The following ETV4 variants were observed in gnomAD, a reference collection of about 807,000 sequenced individuals.
The protein encoded by ETV4 is ETS translocation variant 4.
In ETV4, 42 loss-of-function variants were observed where a neutral mutation model predicts 65.9. That is an observed-to-expected ratio of 0.64 (90% CI 0.50 to 0.82). ETV4 has a LOEUF of 0.82. ETV4 is among the 40% of genes least tolerant of loss of function. ETV4 has a pLI of 0.00. For synonymous variants in ETV4, 238 were observed against 260.0 expected (o/e 0.92, Z 0.81); for missense variants, 583 against 630.3 (o/e 0.92, Z 0.80).
intron 1 of ETV4, 35 bp downstream of exon 1, chr17:43,546,146 CACAG>C (rs1971810622): frequency 1.9e-5 from 3 of 157,260 alleles, no homozygotes; most frequent in South Asian, 3.6e-4. Flanking sequence ...GGCGGGGAAT[CACAG>C]ACACTCTCCC....
In ETV4 at chr17:43,529,171, C is replaced by T. The variant is rs755693025; in HGVS notation, c.1194G>A (p.Ser398=). The change falls in exon 12 of 13, where the codon TCG becomes TCA. Residue 398 remains serine (S), a synonymous_variant. Transcript: ENST00000319349. The part of the protein sequence containing the change: ...PAMNYDKLSR[S]LRYYYEKGIM... ...TGCCTTTCTCATAATAGTATCGGAG[C>T]GAGCGGCTCAGCTTGTCGTAATTCA... 10 of 1,613,878 alleles carry T rather than the reference C, an allele frequency of 6.2e-6. No homozygotes were observed. The highest frequency in any genetic ancestry group is 1.6e-4 in the Middle Eastern group (1 of 6,084).
intron 8 of ETV4, chr17:43,530,485 A>C: frequency 4.0e-6 from 5 of 1,263,650 alleles, no homozygotes; most frequent in Non-Finnish European, 5.1e-6. Flanking sequence ...CTGCGAGTTC[A>C]GGGGGAGGAG....
intron 4 of ETV4, among the ~76,000 whole-genome samples, chr17:43,540,041 G>T (rs1029854496): frequency 1.3e-5 from 2 of 152,142 alleles, no homozygotes; most frequent in Non-Finnish European, 2.9e-5. Flanking sequence ...CATGAAATCC[G>T]CTGGCAAGAA....
At chr17:43,545,113 G>A in intron 3 of ETV4, 91 bp from the exon 4 acceptor site, 4 of 1,424,254 alleles carry the variant, frequency 2.8e-6, no homozygotes, top group Non-Finnish European at 4.0e-6. Flanking sequence ...CCCTGCCTTG[G>A]GAGTAGGGAC....
chr17:43,545,675 G>T lies in ETV4; in HGVS notation c.-51-7C>A. Reference sequence around the variant, plus strand: ...CCCAAGCGGGGGCCGAGACCTGGTGGGGGAGGGGGCTGCGTTCGCACACCG... The same window carrying T: ...CCCAAGCGGGGGCCGAGACCTGGTGTGGGAGGGGGCTGCGTTCGCACACCG... On this transcript the variant is annotated splice_region_variant and splice_polypyrimidine_tract_variant and intron_variant, in intron 1 of 12. Transcript: ENST00000319349. The T allele has an allele frequency of 6.8e-7, 1 of 1,472,778 alleles. No individual in the cohort carries two copies. 91.2% of individuals were successfully genotyped at this position (1,472,778 alleles called of 1,614,324 possible).
chr17:43,530,187 G>C lies in ETV4; in HGVS notation c.812-6C>G. ...TGATGCGCACCCGGTGACATCTGTG[G>C]GGGAAGAAGGGGTGATGTGAGAAGT... On this transcript the variant is annotated splice_region_variant and splice_polypyrimidine_tract_variant and intron_variant, in intron 8 of 12. Coordinates refer to ENST00000319349, the MANE Select transcript of ETV4 (RefSeq NM_001079675.5). 6.4e-7 allele frequency: 1 copy of C among 1,553,636 alleles called. No individual in the cohort carries two copies. The highest frequency in any genetic ancestry group is 8.7e-7 in the Non-Finnish European group (1 of 1,147,836).
intron 4 of ETV4, among the ~76,000 whole-genome samples, chr17:43,538,623 G>A (rs962023169): frequency 6.6e-6 from 1 of 152,210 alleles, no homozygotes; most frequent in Non-Finnish European, 1.5e-5. Flanking sequence ...GGGCTTCTCA[G>A]GTGGTTATAC....
At chr17:43,529,760 A>AG in intron 10 of ETV4, 84 bp from the exon 11 acceptor site, 1 of 1,591,498 alleles carries the variant, frequency 6.3e-7, no homozygotes, top group South Asian at 1.1e-5. Context: ...GATTTCTCGA[A>AG]GGGGTCTCCC....
At chr17:43,543,645 CAGA>C (rs1285882126) in intron 4 of ETV4, among the ~76,000 whole-genome samples, 16 of 152,232 alleles carry the variant, frequency 1.1e-4, no homozygotes, top group Middle Eastern at 6.8e-3. Flanking sequence ...TCCAGAACCT[CAGA>C]AGAAGGATGG....
chr17:43,545,632 C>T lies in ETV4; in HGVS notation c.-15G>A. 1.9e-6 allele frequency: 3 copies of T among 1,549,666 alleles called. No individual in the cohort carries two copies. Among genetic ancestry groups the T allele is most frequent in the Non-Finnish European group, 8.7e-7 (1 of 1,146,542 alleles). On this transcript the variant is annotated 5_prime_UTR_variant, in exon 2 of 13. Transcript: ENST00000319349. ...CTCCGCTCCATCCGGCCGCTCCCTC[C>T]GGCCGCACGGCCGGGGCCCCAAGCG...
At chr17:43,543,520 G>A (rs1971635953) in intron 4 of ETV4, among the ~76,000 whole-genome samples, 1 of 152,120 alleles carries the variant, frequency 6.6e-6, no homozygotes, top group South Asian at 2.1e-4. Flanking sequence ...GGGACTCTCA[G>A]CTGACAGGCA....
At position 43,536,475 on chromosome 17, in the gene ETV4, C is replaced by G. The variant is rs572797949; in HGVS notation, c.207G>C (p.Gln69His). The G allele has an allele frequency of 2.5e-6, 4 of 1,614,100 alleles. No homozygotes were observed. Among genetic ancestry groups the G allele is most frequent in the Non-Finnish European group, 3.4e-6 (4 of 1,180,044 alleles). Residue 69 changes from glutamine (Q) to histidine (H), a missense_variant, in exon 5 of 13, where the codon CAG becomes CAC. By Grantham distance (24) the Gln-to-His change is conservative. Transcript: ENST00000319349. ...HFQETWLAEA[Q>H]VPDSDEQFVP... ...CAAACTGCTCATCACTGTCTGGTAC[C>G]TGAGCTGCAGAGAGAAGTCAGAGGT... is the stretch of plus-strand genomic sequence containing the variant.
At position 43,538,611 on chromosome 17, in the gene ETV4, C is replaced by T. The variant is rs565351012; in HGVS notation, c.203-2132G>A. ...AGTTCTTATTCTGGCCTCCCCAGAG[C>T]GGGGCTTCTCAGGTGGTTATACAGC... On this transcript the variant is annotated intron_variant, in intron 4 of 12. Transcript: ENST00000319349. 6.6e-5 allele frequency among the ~76,000 whole-genome samples: 10 copies of T among 152,182 alleles called. No individual in the cohort carries two copies. In the South Asian group the frequency reaches 1.2e-3, roughly 19 times the overall value.
At chr17:43,537,588 C>T (rs1012572298) in intron 4 of ETV4, among the ~76,000 whole-genome samples, 3 of 150,878 alleles carry the variant, frequency 2.0e-5, no homozygotes, top group African/African-American at 4.9e-5. Flanking sequence ...CCCAGCTACT[C>T]GGAAGGCTGA....
intron 4 of ETV4, among the ~76,000 whole-genome samples, chr17:43,537,062 AT>A (rs1971278946): frequency 4.6e-5 from 7 of 152,216 alleles, no homozygotes; most frequent in Admixed American, 4.6e-4. Context: ...GATCCTGTGG[AT>A]TTAAAAATCA....
chr17:43,528,869 A>T, intron 12 of ETV4, 126 bp from the exon 13 acceptor site: 1 of 766,762 alleles, frequency 1.3e-6, no homozygotes, highest in Non-Finnish European at 2.1e-6. Flanking sequence ...TTTCTCTCCC[A>T]TGCTGGTTCC....
In ETV4 at chr17:43,532,909, G is replaced by A. The variant is rs1315994594; in HGVS notation, c.576C>T (p.Cys192=). 9.4e-6 allele frequency: 15 copies of A among 1,591,188 alleles called. No individual in the cohort carries two copies. Among genetic ancestry groups the A allele is most frequent in the Non-Finnish European group, 1.2e-5 (14 of 1,167,044 alleles). Residue 192 remains cysteine (C), a synonymous_variant, in exon 8 of 13, where the codon TGC becomes TGT. Coordinates refer to ENST00000319349, the MANE Select transcript of ETV4 (RefSeq NM_001079675.5). The part of the protein sequence containing the change: ...SSVFQQPLDI[C]HSFTSQGGGR... ...CCCCTCCCTGAGATGTGAAGGAGTG[G>A]CAAATGTCCAGGGGCTGCTGGAAGA... is the stretch of plus-strand genomic sequence containing the variant.
intron 8 of ETV4, among the ~76,000 whole-genome samples, chr17:43,530,599 TGC>T (rs1316086408): frequency 3.8e-5 from 4 of 106,026 alleles, no homozygotes; most frequent in Admixed American, 2.9e-4. Context: ...CCCAGCCCTG[TGC>T]ACGCGCGCGT....
In ETV4 at chr17:43,529,250, A is replaced by T; in HGVS notation, c.1129-14T>A. 1 of 1,613,528 alleles carries T rather than the reference A, an allele frequency of 6.2e-7. No homozygotes were observed. ...GAGCCTGGCGACCTGGGAACAAAAC[A>T]GTTTTGGGGTAGAGATGCTACCTTG... On this transcript the variant is annotated splice_polypyrimidine_tract_variant and intron_variant, in intron 11 of 12. Coordinates refer to ENST00000319349, the MANE Select transcript of ETV4 (RefSeq NM_001079675.5).
Sources: allele counts gnomAD v4.1 joint callset (sites outside exome capture counted in the v4.1 genomes callset), GRCh38; gene constraint gnomAD v4.1.1; transcripts MANE v1.5; gene names NCBI Gene and HGNC (gene_info 2026-07-23, HGNC 2026-07-21).